PRKAG2: variants seen among roughly 807,000 people sequenced by gnomAD.
PRKAG2 encodes the protein protein kinase AMP-activated non-catalytic subunit gamma 2.
Under a neutral mutation model 69.6 loss-of-function variants are expected in PRKAG2, and 26 were observed. The ratio of observed to expected loss-of-function variants is 0.37; its 90% CI spans 0.27 to 0.52. PRKAG2 has a LOEUF of 0.52. PRKAG2 is among the 20% of genes least tolerant of loss of function. The probability of loss-of-function intolerance (pLI) is 0.90; values close to 1 mark genes in which losing one functional copy is unlikely to be tolerated. For synonymous variants in PRKAG2, 293 were observed against 285.0 expected, an observed-to-expected ratio of 1.03 and a Z score of -0.28; for missense variants, 557 against 740.0, an observed-to-expected ratio of 0.75 and a Z score of 2.87.
At chr7:151,566,104 T>C (rs1002678567) in intron 11 of PRKAG2, among the ~76,000 whole-genome samples, 3 of 152,228 alleles carry the variant, frequency 2.0e-5, no homozygotes, top group Admixed American at 2.0e-4. Context: ...ATTCACAAAC[T>C]ATTGCAGAGC....
intron 3 of PRKAG2, among the ~76,000 whole-genome samples, chr7:151,769,726 G>A (rs986528337): frequency 1.3e-5 from 2 of 152,214 alleles, no homozygotes; most frequent in Admixed American, 1.3e-4. Flanking sequence ...AGGCACGGAT[G>A]CTGCAGCCGC....
chr7:151,564,032 T>G, intron 14 of PRKAG2, 46 bp downstream of exon 14: 1 of 1,612,636 alleles, frequency 6.2e-7, no homozygotes, highest in South Asian at 1.1e-5. Flanking sequence ...ACTGGGGACT[T>G]GTTGCAGTGG....
At position 151,617,266 on chromosome 7, in the gene PRKAG2, A is replaced by AGGAGCGAGGGAAGGAGGGAG. The variant is rs1554497102; in HGVS notation, c.754+14802_754+14803insCTCCCTCCTTCCCTCGCTCC. On this transcript the variant is annotated intron_variant, in intron 5 of 15. Coordinates refer to ENST00000287878, the MANE Select transcript of PRKAG2 (RefSeq NM_016203.4). ...CAAGAGCAAGGGAAGGAGCGAGGGA[A>AGGAGCGAGGGAAGGAGGGAG]GGAGGGAGGGAGGGAAAGAGGGAGG... Among the ~76,000 whole-genome samples the AGGAGCGAGGGAAGGAGGGAG allele has an allele frequency of 4.2e-5, 4 of 96,216 alleles. No individual in the cohort carries two copies. The Admixed American group carries it at 4.5e-4, about 11-fold the overall frequency. The allele number at this position is 96,216 out of a possible 152,430, so 63.1% of individuals were successfully genotyped here.
At chr7:151,839,867 C>A (rs2079235139) in intron 1 of PRKAG2, among the ~76,000 whole-genome samples, 1 of 152,210 alleles carries the variant, frequency 6.6e-6, no homozygotes, top group Admixed American at 6.5e-5. Context: ...CCAGGAGCCA[C>A]AGCAGAGGAA....
intron 4 of PRKAG2, chr7:151,633,296 A>G (rs1399494837): frequency 6.6e-6 from 1 of 152,252 alleles, no homozygotes; most frequent in Non-Finnish European, 1.5e-5. Context: ...AAAAAGCTAC[A>G]GCAGATACCA....
chr7:151,763,904 C>G, intron 3 of PRKAG2, among the ~76,000 whole-genome samples: 1 of 152,236 alleles, frequency 6.6e-6, no homozygotes, highest in Non-Finnish European at 1.5e-5. Context: ...CTTGCAGGCC[C>G]GGAAACCCGC....
At chr7:151,621,368 T>C (rs1050190206) in intron 5 of PRKAG2, among the ~76,000 whole-genome samples, 2 of 151,642 alleles carry the variant, frequency 1.3e-5, no homozygotes, top group Non-Finnish European at 2.9e-5. Flanking sequence ...AATAAGACCT[T>C]TCATTATCTT....
At chr7:151,869,640 G>A (rs1363913492) in intron 1 of PRKAG2, among the ~76,000 whole-genome samples, 1 of 152,242 alleles carries the variant, frequency 6.6e-6, no homozygotes, top group South Asian at 2.1e-4. Flanking sequence ...GAGTCTTTGA[G>A]GAAGTGATCA....
intron 5 of PRKAG2, among the ~76,000 whole-genome samples, chr7:151,613,223 G>A (rs909542766): frequency 6.6e-6 from 1 of 152,180 alleles, no homozygotes; most frequent in Non-Finnish European, 1.5e-5. Flanking sequence ...ATTATTATTT[G>A]TAATAGCAAT....
chr7:151,669,966 G>GCACACACACACCTGCACA (rs141754917), intron 4 of PRKAG2, among the ~76,000 whole-genome samples: 1 of 122,538 alleles, frequency 8.2e-6, no homozygotes, highest in Admixed American at 7.8e-5. Flanking sequence ...TCACACACCT[G>GCACACACACACCTGCACA]CACACACCTG....
intron 1 of PRKAG2, among the ~76,000 whole-genome samples, chr7:151,820,912 C>T (rs1292585134): frequency 1.5e-4 from 2 of 13,326 alleles, no homozygotes; most frequent in African/African-American, 5.3e-4. Flanking sequence ...CTCTCTCTCT[C>T]GGCACCCCGT....
chr7:151,620,683 T>A (rs1028928264), intron 5 of PRKAG2, among the ~76,000 whole-genome samples: 6 of 152,310 alleles, frequency 3.9e-5, no homozygotes, highest in Admixed American at 2.6e-4. Context: ...TCTCGCTATG[T>A]TGTCCAGGCT....
At chr7:151,705,116 A>G (rs1838368299) in intron 3 of PRKAG2, among the ~76,000 whole-genome samples, 1 of 152,236 alleles carries the variant, frequency 6.6e-6, no homozygotes, top group South Asian at 2.1e-4. Context: ...CAACCTTCTG[A>G]TAAAACGTAA....
intron 3 of PRKAG2, among the ~76,000 whole-genome samples, chr7:151,778,346 T>C (rs1031709743): frequency 1.3e-5 from 2 of 152,210 alleles, no homozygotes; most frequent in Non-Finnish European, 2.9e-5. Flanking sequence ...GCAGTGGGCA[T>C]GAGGCTCCCA....
chr7:151,559,721 C>T, intron 15 of PRKAG2: 1 of 985,358 alleles, frequency 1.0e-6, no homozygotes, highest in Non-Finnish European at 1.2e-6. Context: ...AGCACACACA[C>T]CGTTTAATAT....
At position 151,583,353 on chromosome 7, in the gene PRKAG2, G is replaced by A. The variant is rs1380312005; in HGVS notation, c.865-6901C>T. Among the ~76,000 whole-genome samples the A allele has an allele frequency of 6.6e-6, 1 of 152,146 alleles. No homozygotes were observed. Among genetic ancestry groups the A allele is most frequent in the Non-Finnish European group, 1.5e-5 (1 of 68,028 alleles). On this transcript the variant is annotated intron_variant, in intron 6 of 15. Transcript: ENST00000287878. The surrounding 1 kb of genome is among the most constrained non-coding windows in gnomAD (Gnocchi z 4.1). ...ACTGTTGACCTGTCCGCAGGTCACTGAGGAAGTCTCAATTCCATCCTTCAG... is the reference window on the plus strand; with the variant it reads ...ACTGTTGACCTGTCCGCAGGTCACTAAGGAAGTCTCAATTCCATCCTTCAG...
intron 1 of PRKAG2, among the ~76,000 whole-genome samples, chr7:151,811,785 C>T (rs2078434717): frequency 6.6e-6 from 1 of 152,234 alleles, no homozygotes; most frequent in Non-Finnish European, 1.5e-5. Context: ...AGGTTTCCTG[C>T]TACGTCACCA....
chr7:151,562,244 C>CAAAAAAAAAAAAAAAAAAAA (rs575674668), intron 14 of PRKAG2, among the ~76,000 whole-genome samples: 4 of 38,476 alleles, frequency 1.0e-4, no homozygotes, highest in Admixed American at 3.9e-4. Context: ...GACTTTGTCT[C>CAAAAAAAAAAAAAAAAAAAA]AAAAAAAAAA....
At chr7:151,675,388 G>A (rs1180947241) in intron 4 of PRKAG2, 32 bp downstream of exon 4, 1 of 1,597,064 alleles carries the variant, frequency 6.3e-7, no homozygotes, top group Admixed American at 1.7e-5. Flanking sequence ...CTGCCACCCG[G>A]CAGCCCCACC....
Sources: allele counts gnomAD v4.1 joint callset (sites outside exome capture counted in the v4.1 genomes callset), GRCh38; gene constraint gnomAD v4.1.1; non-coding constraint Gnocchi (gnomAD v3.1); transcripts MANE v1.5; gene names NCBI Gene and HGNC (gene_info 2026-07-23, HGNC 2026-07-21).